Variants in NIBAN2 observed in about 807,000 individuals in gnomAD.
NIBAN2 encodes niban apoptosis regulator 2.
In NIBAN2, 36 loss-of-function variants were observed where a neutral mutation model predicts 81.8. That is an observed-to-expected ratio of 0.44 (90% confidence interval 0.34 to 0.58). The LOEUF is 0.58. Among genes scored for constraint, NIBAN2 ranks in the 20% least tolerant of loss-of-function variants. NIBAN2 has a pLI of 0.02. For synonymous variants in NIBAN2, 445 were observed against 441.6 expected (o/e 1.01, Z -0.10); for missense variants, 897 against 1,014.1 (o/e 0.88, Z 1.57).
chr9:127,551,602 C>T (rs1347199739), intron 1 of NIBAN2, among the ~76,000 whole-genome samples: 1 of 151,766 alleles, frequency 6.6e-6, no homozygotes, highest in Non-Finnish European at 1.5e-5. Flanking sequence ...GTAGTCTCAG[C>T]TACTTGGGAG....
At chr9:127,551,376 A>G (rs972790568) in intron 1 of NIBAN2, among the ~76,000 whole-genome samples, 1 of 152,054 alleles carries the variant, frequency 6.6e-6, no homozygotes, top group African/African-American at 2.4e-5. Flanking sequence ...CACAAAAATT[A>G]GCTGGGTACA....
At position 127,508,159 on chromosome 9, in the gene NIBAN2, G is replaced by T; in HGVS notation, c.1476C>A (p.Phe492Leu). 1 of 1,613,650 alleles carries T rather than the reference G, an allele frequency of 6.2e-7. No individual in the cohort carries two copies. Among genetic ancestry groups the T allele is most frequent in the African/African-American group, 1.3e-5 (1 of 75,050 alleles). ...YDSSSVRKRF[F>L]REALLQISIP... ...TGCTGATCTGCAGCAGCGCCTCCCG[G>T]AAGAACCTCTTCCGCACAGAGCTGC... The change falls in exon 12 of 14, where the codon TTC becomes TTA. Residue 492 changes from phenylalanine to leucine, a missense_variant. By Grantham distance (22) the Phe-to-Leu change is conservative. Coordinates refer to ENST00000373312, the MANE Select transcript of NIBAN2 (RefSeq NM_022833.4). The surrounding 1 kb of genome is among the most constrained non-coding windows in gnomAD (Gnocchi z 6.4).
At chr9:127,514,270 C>A (rs1357252218) in intron 8 of NIBAN2, among the ~76,000 whole-genome samples, 2,499 of 117,320 alleles carry the variant, frequency 0.021, no homozygotes, top group Middle Eastern at 0.034. Flanking sequence ...ACTCTGTGTC[C>A]AAAAAAAAAA....
intron 1 of NIBAN2, among the ~76,000 whole-genome samples, chr9:127,562,709 C>T (rs371460569): frequency 1.3e-5 from 2 of 152,172 alleles, no homozygotes; most frequent in East Asian, 1.9e-4. Flanking sequence ...AATCGGTCTT[C>T]GACAGGGAAG....
chr9:127,544,998 G>T (rs977696336), intron 1 of NIBAN2, among the ~76,000 whole-genome samples: 1 of 152,282 alleles, frequency 6.6e-6, no homozygotes, highest in African/African-American at 2.4e-5. Flanking sequence ...GGGTCCCATT[G>T]CCCTGTTAGT....
chr9:127,569,674 C>T (rs1837923651), upstream of NIBAN2, among the ~76,000 whole-genome samples: 1 of 152,166 alleles, frequency 6.6e-6, no homozygotes, highest in Non-Finnish European at 1.5e-5. Context: ...GTTCCCTGGC[C>T]TTGATTCGAC....
intron 1 of NIBAN2, among the ~76,000 whole-genome samples, chr9:127,546,629 A>G (rs1837476312): frequency 6.6e-6 from 1 of 152,120 alleles, no homozygotes; most frequent in Non-Finnish European, 1.5e-5. Flanking sequence ...CCCAGCCCAG[A>G]TCCCATGTCC....
rs4620390 is a variant in NIBAN2, at chr9:127,576,289, C to A, written c.16+2633G>T. Among the ~76,000 whole-genome samples, 105 of 151,706 alleles carry A rather than the reference C, an allele frequency of 6.9e-4. 1 individual carries two copies. Among genetic ancestry groups the A allele is most frequent in the South Asian group, 1.9e-3 (9 of 4,802 alleles). ...TGACACATCATGGGGTACAAAGTCC[C>A]TTCTATAGTGCATGTGGGCCTCTGC... On this transcript the variant is annotated intron_variant, in intron 1 of 13. Transcript: ENST00000373314.
Position 127,510,248 on chromosome 9 carries a change from G to A in NIBAN2, c.1059C>T (p.Pro353=). The change falls in exon 9 of 14, where the codon CCC becomes CCT. Residue 353 remains proline (P), a synonymous_variant. Transcript: ENST00000373312. The part of the protein sequence containing the change: ...IPSILEALMV[P]TSQGFTEVRD... ...GCACCTCAGTGAAGCCCTGGCTGGT[G>A]GGGACCATCAGGGCCTCCAGGATGG... 4 of 1,614,106 alleles carry A rather than the reference G, an allele frequency of 2.5e-6. No individual in the cohort carries two copies. Among genetic ancestry groups the A allele is most frequent in the Non-Finnish European group, 3.4e-6 (4 of 1,179,972 alleles).
At position 127,508,190 on chromosome 9, in the gene NIBAN2, T is replaced by C. The variant is rs1197734178; in HGVS notation, c.1445A>G (p.Tyr482Cys). 8.1e-6 allele frequency: 13 copies of C among 1,613,180 alleles called. No individual in the cohort carries two copies. The highest frequency in any genetic ancestry group is 1.1e-5 in the Non-Finnish European group (13 of 1,179,638). Reference protein sequence around the residue: ...VLERVLKKYDYDSSSVRKRFF... With the variant: ...VLERVLKKYDCDSSSVRKRFF... Reference sequence around the variant, plus strand: ...CCTCTTCCGCACAGAGCTGCTGTCGTAGTCGTATTTCTGCAGGGAACAAGG... The same window carrying C: ...CCTCTTCCGCACAGAGCTGCTGTCGCAGTCGTATTTCTGCAGGGAACAAGG... Residue 482 changes from tyrosine (Y) to cysteine (C), a missense_variant, in exon 12 of 14, where the codon TAC (tyrosine) becomes TGC (cysteine). Tyr to Cys is a radical substitution (Grantham distance 194). Transcript: ENST00000373312. The surrounding 1 kb of genome is among the most constrained non-coding windows in gnomAD (Gnocchi z 6.4).
intron 1 of NIBAN2, among the ~76,000 whole-genome samples, chr9:127,541,351 G>A (rs935938033): frequency 3.3e-5 from 5 of 152,180 alleles, no homozygotes; most frequent in African/African-American, 7.2e-5. Flanking sequence ...TGCCCAGCAC[G>A]GCACTGCACA....
chr9:127,520,687 G>A (rs1588158379), intron 5 of NIBAN2, among the ~76,000 whole-genome samples: 2 of 152,036 alleles, frequency 1.3e-5, no homozygotes, highest in African/African-American at 2.4e-5. Context: ...AGGCCGAGGC[G>A]GCAGAATCAC....
intron 5 of NIBAN2, among the ~76,000 whole-genome samples, chr9:127,520,533 C>T (rs1413924457): frequency 3.9e-5 from 6 of 152,128 alleles, no homozygotes; most frequent in African/African-American, 7.2e-5. Flanking sequence ...CCACCGCACC[C>T]GCCCTTGGTC....
At chr9:127,574,449 G>A (rs1271033525) in intron 1 of NIBAN2, among the ~76,000 whole-genome samples, 1 of 152,150 alleles carries the variant, frequency 6.6e-6, no homozygotes, top group East Asian at 1.9e-4. Flanking sequence ...AAAAGGGAGG[G>A]TTCAGACGGT....
intron 1 of NIBAN2, among the ~76,000 whole-genome samples, chr9:127,552,190 C>G (rs890068456): frequency 3.3e-5 from 5 of 152,242 alleles, no homozygotes; most frequent in Admixed American, 1.3e-4. Context: ...CAGCCTGACA[C>G]TGAGCAGAGA....
chr9:127,547,271 C>T (rs748632075), intron 1 of NIBAN2, among the ~76,000 whole-genome samples: 2 of 152,174 alleles, frequency 1.3e-5, no homozygotes, highest in Non-Finnish European at 2.9e-5. Flanking sequence ...TGGCTCACGC[C>T]TATAATCCCA....
Position 127,508,696 on chromosome 9 carries a change from G to A in NIBAN2, c.1318-158C>T, listed in dbSNP as rs1836666223. Among the ~76,000 whole-genome samples the A allele has an allele frequency of 6.6e-6, 1 of 152,092 alleles. No homozygotes were observed. The highest frequency in any genetic ancestry group is 2.4e-5 in the African/African-American group (1 of 41,408). On this transcript the variant is annotated intron_variant, in intron 10 of 13. Coordinates refer to ENST00000373312, the MANE Select transcript of NIBAN2 (RefSeq NM_022833.4). The surrounding 1 kb of genome is among the most constrained non-coding windows in gnomAD (Gnocchi z 6.4). ...TGCCCACTCACAGCTCTGCACGCTG[G>A]AGCAAGTCCCTGCCTCAAGGCAACA...
At chr9:127,512,930 C>G (rs994580774) in intron 8 of NIBAN2, among the ~76,000 whole-genome samples, 3 of 152,164 alleles carry the variant, frequency 2.0e-5, no homozygotes, top group Non-Finnish European at 4.4e-5. Context: ...GTGTTTGTTG[C>G]GGCTCTGTTC....
At chr9:127,532,585 C>A (rs1271707001) in intron 1 of NIBAN2, among the ~76,000 whole-genome samples, 1 of 151,704 alleles carries the variant, frequency 6.6e-6, no homozygotes, top group African/African-American at 2.4e-5. Flanking sequence ...CCAGCCTGGG[C>A]GACAGAGCGA....
Sources: gnomAD v4.1 joint callset for allele counts (sites outside exome capture counted in the v4.1 genomes callset) on GRCh38, gnomAD v4.1.1 for gene constraint, Gnocchi (gnomAD v3.1) non-coding constraint, MANE v1.5 for transcripts, NCBI Gene and HGNC (gene_info 2026-07-23, HGNC 2026-07-21) for gene names.